CWF19L2: variants seen among roughly 807,000 people sequenced by gnomAD.
The protein encoded by CWF19L2 is CWF19-like protein 2.
CWF19L2 carries 98 observed loss-of-function variants against 111.7 expected under a neutral mutation model. The observed-to-expected ratio is 0.88, with a 90% CI of 0.75 to 1.04. The LOEUF (loss-of-function observed/expected upper bound fraction) is 1.04, where lower values mean the gene tolerates loss of function less well. CWF19L2 is among the 50% of genes least tolerant of loss of function. CWF19L2 has a pLI of 0.00. For missense variants in CWF19L2, 1,101 were observed against 1,051.4 expected, an observed-to-expected ratio of 1.05 and a Z score of -0.65; for synonymous variants, 351 against 342.9, an observed-to-expected ratio of 1.02 and a Z score of -0.26.
chr11:107,402,511 A>G (rs1565269576), intron 10 of CWF19L2, among the ~76,000 whole-genome samples: 1 of 152,328 alleles, frequency 6.6e-6, no homozygotes, highest in East Asian at 1.9e-4. Context: ...AGGGGAACAC[A>G]AATCAAATCC....
chr11:107,442,718 GAGAA>G (rs879532889), intron 4 of CWF19L2, among the ~76,000 whole-genome samples: 1,875 of 130,030 alleles, frequency 0.014, 59 homozygotes, highest in East Asian at 0.087. Context: ...GAGAGAGAGA[GAGAA>G]AGAGAAAGAA....
chr11:107,441,449 G>C, intron 5 of CWF19L2, 54 bp downstream of exon 5: 1 of 1,404,758 alleles, frequency 7.1e-7, no homozygotes, highest in South Asian at 1.6e-5. Context: ...TAAATGTCTT[G>C]TAAGTTTATT....
At chr11:107,365,086 A>C (rs1353133583) in intron 12 of CWF19L2, among the ~76,000 whole-genome samples, 3 of 128,334 alleles carry the variant, frequency 2.3e-5, no homozygotes, top group South Asian at 2.4e-4. Flanking sequence ...GAAATGGATA[A>C]ATTCCTCGAC....
Position 107,402,871 on chromosome 11 carries a change from GTGTATATATATATATATA to G in CWF19L2, c.1618-9994_1618-9977del, listed in dbSNP as rs1474487716. ...AACGAGTGGATAAACAAACTGTGGT[GTGTATATATATATATATA>G]TATATATATATATAATGGAATACTA... On this transcript the variant is annotated intron_variant, in intron 10 of 17. Coordinates refer to ENST00000282251, the MANE Select transcript of CWF19L2 (RefSeq NM_152434.3). Among the ~76,000 whole-genome samples the G allele has an allele frequency of 4.0e-4, 23 of 57,108 alleles. 5 individuals carry two copies. The highest frequency in any genetic ancestry group is 1.8e-3 in the African/African-American group (18 of 10,066). The allele number at this position is 57,108 out of a possible 152,430, so 37.5% of individuals were successfully genotyped here.
chr11:107,393,991 T>A (rs1591180953), intron 10 of CWF19L2, among the ~76,000 whole-genome samples: 1 of 152,084 alleles, frequency 6.6e-6, no homozygotes, highest in African/African-American at 2.4e-5. Flanking sequence ...TATATCCCTG[T>A]AAAAAACCTG....
intron 9 of CWF19L2, 135 bp from the exon 10 acceptor site, chr11:107,416,433 A>C: frequency 2.6e-6 from 1 of 379,070 alleles, no homozygotes; most frequent in Non-Finnish European, 4.7e-6. Context: ...TTCAATTACC[A>C]ACCCATAGCC....
rs1250117055 is a variant in CWF19L2, at chr11:107,441,536, T to G, written c.537A>C (p.Lys179Asn). ...SLKAEKETMRKIEQEKNQALE... is the reference protein window; with the variant it reads ...SLKAEKETMRNIEQEKNQALE... ...GCGCTTGGTTTTTCTCTTGCTCTAT[T>G]TTCCTCATAGTTTCCTTTTCAGCTT... The change falls in exon 5 of 18, where the codon AAA (lysine) becomes AAC (asparagine). Residue 179 changes from lysine to asparagine, a missense_variant. Physicochemically the swap from Lys to Asn is moderately conservative, Grantham distance 94. Coordinates refer to ENST00000282251, the MANE Select transcript of CWF19L2 (RefSeq NM_152434.3). 21 of 1,548,882 alleles carry G rather than the reference T, an allele frequency of 1.4e-5. No homozygotes were observed. Among genetic ancestry groups the G allele is most frequent in the Non-Finnish European group, 1.7e-5 (20 of 1,146,314 alleles).
chr11:107,364,218 A>G (rs1860401966), intron 12 of CWF19L2, among the ~76,000 whole-genome samples: 1 of 141,886 alleles, frequency 7.0e-6, no homozygotes, highest in Non-Finnish European at 1.5e-5. Flanking sequence ...CCACACATTA[A>G]TAATGGGAGA....
chr11:107,441,356 A>G, intron 5 of CWF19L2, 147 bp downstream of exon 5: 1 of 584,898 alleles, frequency 1.7e-6, no homozygotes, highest in Non-Finnish European at 2.6e-6. Flanking sequence ...TCTTAAACTG[A>G]TGTATTTCAT....
intron 11 of CWF19L2, among the ~76,000 whole-genome samples, chr11:107,392,418 G>A (rs973253992): frequency 1.6e-4 from 25 of 152,214 alleles, no homozygotes; most frequent in Middle Eastern, 3.4e-3. Context: ...CCATCACCAG[G>A]TCTCAAGTTA....
At chr11:107,395,620 T>C (rs1860911401) in intron 10 of CWF19L2, among the ~76,000 whole-genome samples, 1 of 152,234 alleles carries the variant, frequency 6.6e-6, no homozygotes, top group Admixed American at 6.5e-5. Context: ...TTTCACACAG[T>C]ATACAAAGCC....
intron 14 of CWF19L2, among the ~76,000 whole-genome samples, chr11:107,341,955 T>C (rs1860011123): frequency 6.6e-6 from 1 of 152,142 alleles, no homozygotes; most frequent in Non-Finnish European, 1.5e-5. Context: ...CTCATTTTTT[T>C]TCCTTTGTTG....
At chr11:107,426,579 A>C (rs1440255232) in intron 8 of CWF19L2, among the ~76,000 whole-genome samples, 3 of 151,904 alleles carry the variant, frequency 2.0e-5, no homozygotes, top group Non-Finnish European at 4.4e-5. Flanking sequence ...TCAATAGGAA[A>C]CCAGTGAAAA....
chr11:107,435,741 T>C (rs369326857), intron 6 of CWF19L2, among the ~76,000 whole-genome samples: 1 of 152,032 alleles, frequency 6.6e-6, no homozygotes, highest in Non-Finnish European at 1.5e-5. Flanking sequence ...TCACCAAATT[T>C]AATATTTAAA....
chr11:107,398,222 T>C (rs1166457855), intron 10 of CWF19L2, among the ~76,000 whole-genome samples: 2 of 151,780 alleles, frequency 1.3e-5, no homozygotes, highest in African/African-American at 4.8e-5. Context: ...AAATTAGTTA[T>C]TAAGCTAATC....
intron 10 of CWF19L2, among the ~76,000 whole-genome samples, chr11:107,405,391 G>C (rs1409013229): frequency 6.6e-6 from 1 of 152,088 alleles, no homozygotes; most frequent in Non-Finnish European, 1.5e-5. Flanking sequence ...TCACTTTATT[G>C]ATTTTTCCTA....
chr11:107,411,089 G>GCACA (rs146846176), intron 10 of CWF19L2, among the ~76,000 whole-genome samples: 1,720 of 148,776 alleles, frequency 0.012, 28 homozygotes, highest in African/African-American at 0.018. Flanking sequence ...GCGCGTGCGT[G>GCACA]CACACACACA....
chr11:107,370,137 T>C (rs1355666152), intron 12 of CWF19L2, among the ~76,000 whole-genome samples: 2 of 137,466 alleles, frequency 1.5e-5, no homozygotes, highest in Non-Finnish European at 3.1e-5. Flanking sequence ...TCAAGTAAAA[T>C]ACATCCTACT....
intron 14 of CWF19L2, among the ~76,000 whole-genome samples, chr11:107,341,794 G>A (rs7102457): frequency 1 from 151,798 of 152,272 alleles, 75,664 homozygotes; most frequent in East Asian, 1. Context: ...CAAATTGTCT[G>A]TTTCATATTG....
Sources: gnomAD v4.1 joint callset for allele counts (sites outside exome capture counted in the v4.1 genomes callset) on GRCh38, gnomAD v4.1.1 for gene constraint, MANE v1.5 for transcripts, NCBI Gene and HGNC (gene_info 2026-07-23, HGNC 2026-07-21) for gene names.